PAGE3: variants seen among roughly 807,000 people sequenced by gnomAD.
PAGE3 encodes the protein PAGE family member 3, also known as P antigen family member 3.
Under a neutral mutation model 3.8 loss-of-function variants are expected in PAGE3, and 9 were observed. The observed-to-expected ratio is 2.36, with a 90% CI of 1.42 to 4.12. The LOEUF (loss-of-function observed/expected upper bound fraction) is 4.12. Among genes scored for constraint, PAGE3 ranks in the 30% most tolerant of loss-of-function variants. The probability of loss-of-function intolerance (pLI) is 0.00; values close to 1 mark genes in which losing one functional copy is unlikely to be tolerated. For missense variants in PAGE3, 73 were observed against 37.8 expected (o/e 1.93, Z -2.44); for synonymous variants, 24 against 13.1 (o/e 1.83, Z -1.79).
chrX:55,258,490 T>C lies in PAGE3; in HGVS notation c.*16A>G, dbSNP rs1483013931. The stretch of plus-strand genomic sequence containing the variant: ...CCAACATAAAGACTGCATGTATGGT[T>C]TCAGCTTGTCTTCATTTAAACCGAT... On this transcript the variant is annotated 3_prime_UTR_variant, in exon 5 of 5. Transcript: ENST00000374951. The C allele has an allele frequency of 5.3e-6, 3 of 562,327 alleles. No individual in the cohort carries two copies. Among genetic ancestry groups the C allele is most frequent in the Non-Finnish European group, 9.8e-6 (3 of 306,425 alleles). 46.3% of individuals were successfully genotyped at this position (562,327 alleles called of 1,213,427 possible).
intron 4 of PAGE3, among the ~76,000 whole-genome samples, chrX:55,259,268 GGA>G (rs1938246112): frequency 9.1e-6 from 1 of 110,054 alleles, no homozygotes; most frequent in African/African-American, 3.3e-5. Flanking sequence ...AGGGAGAGGA[GGA>G]GAGAGAGAAA....
At chrX:55,264,413 C>A (rs1356081877) in intron 1 of PAGE3, 133 bp downstream of exon 1, 1 of 111,167 alleles carries the variant, frequency 9.0e-6, no homozygotes, top group East Asian at 2.8e-4. Context: ...CTCGGGGCAG[C>A]GGTTATCAGC....
rs889518705 is a variant in PAGE3, at chrX:55,259,900, T to C, written c.319+634A>G. Among the ~76,000 whole-genome samples, 12 of 111,407 alleles carry C rather than the reference T, an allele frequency of 1.1e-4. No homozygotes were observed. In the East Asian group the frequency reaches 3.1e-3, roughly 29 times the overall value. On this transcript the variant is annotated intron_variant, in intron 4 of 4. Transcript: ENST00000374951. ...AAAAATATTTTTAATCTAAATATTC[T>C]AATGGAATGGATCAGGAATGTAGAG...
At chrX:55,263,623 A>G (rs1288013898) in intron 2 of PAGE3, among the ~76,000 whole-genome samples, 197 bp downstream of exon 2, 1 of 111,804 alleles carries the variant, frequency 8.9e-6, no homozygotes, top group Non-Finnish European at 1.9e-5. Flanking sequence ...GCCATAGAGA[A>G]TATTTCTGGG....
intron 4 of PAGE3, among the ~76,000 whole-genome samples, chrX:55,259,162 C>T (rs777375838): frequency 9.0e-6 from 1 of 110,822 alleles, no homozygotes; most frequent in African/African-American, 3.3e-5. Context: ...TAAATTATAT[C>T]GTCACACTGG....
At chrX:55,258,608 G>C in intron 4 of PAGE3, 80 bp from the exon 5 acceptor site, 1 of 527,161 alleles carries the variant, frequency 1.9e-6, no homozygotes, top group Non-Finnish European at 3.5e-6. Context: ...AAAAGGCATA[G>C]TTTTGGTTTT....
intron 2 of PAGE3, 33 bp from the exon 3 acceptor site, chrX:55,263,392 G>A (rs1309796359): frequency 5.5e-6 from 3 of 543,712 alleles, no homozygotes; most frequent in Middle Eastern, 3.1e-4. Context: ...AAATAAAAAG[G>A]TCTGTTATTA....
intron 4 of PAGE3, among the ~76,000 whole-genome samples, chrX:55,259,610 A>G (rs1938250226): frequency 9.1e-6 from 1 of 110,478 alleles, no homozygotes; most frequent in African/African-American, 3.3e-5. Flanking sequence ...TTTCTTCAAC[A>G]TTATGTAAAC....
In PAGE3 at chrX:55,260,660, C is replaced by T. The variant is rs756174487; in HGVS notation, c.194-1G>A. ...CAGAGATAGGCTGCCAGGCCTAGCA[C>T]TTAAAAATAAAAAACATTACCAATT... On this transcript the variant is annotated splice_acceptor_variant, in intron 3 of 4. Coordinates refer to ENST00000374951, the MANE Select transcript of PAGE3 (RefSeq NM_001017931.3). LOFTEE classifies it high-confidence loss of function. 2 of 527,301 alleles carry T rather than the reference C, an allele frequency of 3.8e-6. No individual in the cohort carries two copies. The highest frequency in any genetic ancestry group is 6.8e-6 in the Non-Finnish European group (2 of 291,997). The allele number at this position is 527,301 out of a possible 1,213,427, so 43.5% of individuals were successfully genotyped here.
At chrX:55,262,763 A>G (rs1335391864) in intron 3 of PAGE3, among the ~76,000 whole-genome samples, 1 of 103,713 alleles carries the variant, frequency 9.6e-6, no homozygotes, top group African/African-American at 3.5e-5. Context: ...CCATATATAG[A>G]TTTATATCTC....
chrX:55,259,923 G>A (rs775225597), intron 4 of PAGE3, among the ~76,000 whole-genome samples: 4 of 111,098 alleles, frequency 3.6e-5, no homozygotes, highest in Non-Finnish European at 5.7e-5. Flanking sequence ...CAGGAATGTA[G>A]AGCAAAAGCA....
At chrX:55,260,446 T>A in intron 4 of PAGE3, 88 bp downstream of exon 4, 1 of 449,374 alleles carries the variant, frequency 2.2e-6, no homozygotes, top group Non-Finnish European at 4.0e-6. Flanking sequence ...TAAATTATAT[T>A]AGCAGTAGTG....
intron 4 of PAGE3, among the ~76,000 whole-genome samples, chrX:55,259,070 TTGTCTC>T (rs1245199703): frequency 8.9e-6 from 1 of 111,798 alleles, no homozygotes; most frequent in Non-Finnish European, 1.9e-5. Flanking sequence ...GGTTAACCAT[TTGTCTC>T]TGTTTTCACC....
Position 55,258,458 on chromosome X carries a change from G to A in PAGE3, c.*48C>T, listed in dbSNP as rs372061587. ...ACTTTATTGAGAGAATTTTACTGGT[G>A]AAGTTTCCAACATAAAGACTGCATG... On this transcript the variant is annotated 3_prime_UTR_variant, in exon 5 of 5. Transcript: ENST00000374951. 3 of 549,904 alleles carry A rather than the reference G, an allele frequency of 5.5e-6. No individual in the cohort carries two copies. The highest frequency in any genetic ancestry group is 9.9e-6 in the Non-Finnish European group (3 of 302,127). 45.3% of individuals were successfully genotyped at this position (549,904 alleles called of 1,213,427 possible). A position where few individuals can be genotyped will look rare whatever the true frequency, so the allele number is the denominator to read the frequency against.
chrX:55,258,624 A>G (rs1332742875), intron 4 of PAGE3, 96 bp from the exon 5 acceptor site: 3 of 508,301 alleles, frequency 5.9e-6, no homozygotes, highest in Non-Finnish European at 1.1e-5. Flanking sequence ...GTTTTATGAA[A>G]TGAACTATAA....
rs1330951422 is a variant in PAGE3 at position 55,260,521 on chromosome X, A to C, written c.319+13T>G. 1 of 559,917 alleles carries C rather than the reference A, an allele frequency of 1.8e-6. No homozygotes were observed. Among genetic ancestry groups the C allele is most frequent in the Non-Finnish European group, 3.3e-6 (1 of 304,378 alleles). 46.1% of individuals were successfully genotyped at this position (559,917 alleles called of 1,213,427 possible). A position where few individuals can be genotyped will look rare whatever the true frequency, so the allele number is the denominator to read the frequency against. On this transcript the variant is annotated intron_variant, in intron 4 of 4. Coordinates refer to ENST00000374951, the MANE Select transcript of PAGE3 (RefSeq NM_001017931.3). ...AGAAACCCCATAATTTGCATTTTTA[A>C]TGAATAACTTACCTGCTTCTGGTAT...
At chrX:55,262,740 T>C (rs968551914) in intron 3 of PAGE3, among the ~76,000 whole-genome samples, 4 of 102,087 alleles carry the variant, frequency 3.9e-5, no homozygotes, top group Admixed American at 1.1e-4. Flanking sequence ...ATATGTAATA[T>C]ATATATCACA....
intron 3 of PAGE3, among the ~76,000 whole-genome samples, chrX:55,263,043 A>G (rs1221752208): frequency 9.1e-6 from 1 of 110,441 alleles, no homozygotes; most frequent in African/African-American, 3.3e-5. Context: ...GGCAAGCATA[A>G]CAAGTAAGTC....
intron 3 of PAGE3, among the ~76,000 whole-genome samples, chrX:55,261,422 C>G (rs1475406005): frequency 2.7e-5 from 3 of 111,607 alleles, no homozygotes; most frequent in East Asian, 5.6e-4. Context: ...TGGCAAAACT[C>G]TAAACATTAG....
Sources: allele counts gnomAD v4.1 joint callset (sites outside exome capture counted in the v4.1 genomes callset), GRCh38; gene constraint gnomAD v4.1.1; transcripts MANE v1.5; gene names NCBI Gene and HGNC (gene_info 2026-07-23, HGNC 2026-07-21).